The following SNTG2 variants were observed in gnomAD, a reference collection of about 807,000 sequenced individuals.
The protein encoded by SNTG2 is gamma-2-syntrophin.
A neutral mutation model predicts 70.9 loss-of-function variants in SNTG2; 74 were observed. The ratio of observed to expected loss-of-function variants is 1.04; its 90% confidence interval spans 0.86 to 1.27. SNTG2 has a LOEUF of 1.27. Ranked by LOEUF, SNTG2 falls within the 50% of genes most tolerant of loss-of-function variation. The probability of loss-of-function intolerance (pLI) is 0.00; values close to 1 mark genes in which losing one functional copy is unlikely to be tolerated. For synonymous variants in SNTG2, 278 were observed against 273.8 expected (o/e 1.02, Z -0.15); for missense variants, 717 against 690.7 (o/e 1.04, Z -0.43).
At chr2:1,144,109 A>G (rs4539820) in intron 6 of SNTG2, among the ~76,000 whole-genome samples, 56,754 of 151,874 alleles carry the variant, frequency 0.37, 11,476 homozygotes, top group East Asian at 0.83. Context: ...AACGGTTGAC[A>G]TCTCCTCTTT....
intron 4 of SNTG2, among the ~76,000 whole-genome samples, chr2:1,135,944 A>G (rs1668357154): frequency 6.6e-6 from 1 of 152,176 alleles, no homozygotes; most frequent in South Asian, 2.1e-4. Context: ...TTAGTTTCCC[A>G]TGCGTCAGGT....
chr2:1,102,288 C>G (rs1218459530), intron 4 of SNTG2, among the ~76,000 whole-genome samples: 1 of 152,158 alleles, frequency 6.6e-6, no homozygotes, highest in Non-Finnish European at 1.5e-5. Context: ...ATTAGGGTAG[C>G]TTCTCATTTA....
intron 1 of SNTG2, among the ~76,000 whole-genome samples, chr2:1,005,370 C>G (rs1026000015): frequency 6.6e-6 from 1 of 151,792 alleles, no homozygotes; most frequent in Non-Finnish European, 1.5e-5. Context: ...ATAACAAATG[C>G]GCCACCTGGG....
At chr2:999,207 C>T (rs1261780464) in intron 1 of SNTG2, among the ~76,000 whole-genome samples, 2 of 152,036 alleles carry the variant, frequency 1.3e-5, no homozygotes, top group African/African-American at 4.8e-5. Context: ...ACTCACAGGT[C>T]TTATAAAACA....
intron 1 of SNTG2, among the ~76,000 whole-genome samples, chr2:974,243 T>C (rs1311080924): frequency 1.3e-5 from 2 of 152,128 alleles, no homozygotes; most frequent in Non-Finnish European, 1.5e-5. Context: ...GGTGGGCTGC[T>C]CCTTCTGTGG....
chr2:1,307,407 AGT>A (rs1351026033), intron 14 of SNTG2, among the ~76,000 whole-genome samples: 2 of 96,096 alleles, frequency 2.1e-5, no homozygotes, highest in Non-Finnish European at 4.3e-5. Context: ...TCTGTGTGTG[AGT>A]GTGTGTGGTG....
At chr2:1,244,342 G>C (rs938917956) in intron 11 of SNTG2, among the ~76,000 whole-genome samples, 1 of 152,046 alleles carries the variant, frequency 6.6e-6, no homozygotes, top group Non-Finnish European at 1.5e-5. Context: ...GAGGATATTG[G>C]TGTGACTCCT....
At chr2:1,173,528 T>C (rs1671267689) in intron 8 of SNTG2, among the ~76,000 whole-genome samples, 1 of 152,260 alleles carries the variant, frequency 6.6e-6, no homozygotes, top group African/African-American at 2.4e-5. Flanking sequence ...TCCCATGAAT[T>C]TCTTAACAGA....
At chr2:980,820 C>T (rs1008568510) in intron 1 of SNTG2, among the ~76,000 whole-genome samples, 3 of 152,096 alleles carry the variant, frequency 2.0e-5, no homozygotes, top group East Asian at 3.8e-4. Context: ...AAGACATTAA[C>T]GGGTTAGATA....
At chr2:1,284,150 T>G (rs11211641) in intron 14 of SNTG2, among the ~76,000 whole-genome samples, 60,315 of 152,082 alleles carry the variant, frequency 0.4, 12,052 homozygotes, top group Middle Eastern at 0.52. Flanking sequence ...CCATTATGGC[T>G]TAATTTAATT....
intron 1 of SNTG2, among the ~76,000 whole-genome samples, chr2:1,040,133 G>A (rs1661351467): frequency 6.6e-6 from 1 of 152,196 alleles, no homozygotes; most frequent in Non-Finnish European, 1.5e-5. Context: ...TGTGGGGGCT[G>A]CCACTTACGC....
chr2:1,229,563 G>A lies in SNTG2; in HGVS notation c.720-8325G>A, dbSNP rs575285351. Among the ~76,000 whole-genome samples the A allele has an allele frequency of 3.3e-5, 5 of 152,384 alleles. No homozygotes were observed. In the South Asian group the frequency reaches 1.0e-3, roughly 32 times the overall value. On this transcript the variant is annotated intron_variant, in intron 9 of 16. Transcript: ENST00000308624. ...CAGTGGATCCGGCACCGGGGCTGCA[G>A]GTGGAGCTGCCTGCCAGTCCCGCGC...
At chr2:1,230,395 G>A (rs1449110002) in intron 9 of SNTG2, among the ~76,000 whole-genome samples, 1 of 152,124 alleles carries the variant, frequency 6.6e-6, no homozygotes, top group African/African-American at 2.4e-5. Context: ...AGAAAAGGCC[G>A]ATGCTGAAGC....
intron 6 of SNTG2, among the ~76,000 whole-genome samples, chr2:1,155,910 T>A (rs1291695032): frequency 6.6e-6 from 1 of 151,716 alleles, no homozygotes; most frequent in Non-Finnish European, 1.5e-5. Flanking sequence ...CAAGCGCTGC[T>A]CCCCATGGAC....
intron 9 of SNTG2, among the ~76,000 whole-genome samples, chr2:1,220,858 C>T (rs66665243): frequency 0.2 from 30,695 of 152,114 alleles, 4,552 homozygotes; most frequent in African/African-American, 0.41. Context: ...AGCCCTGGGC[C>T]GCCCCCTCCA....
Position 1,054,953 on chromosome 2 carries a change from G to GT in SNTG2, c.73-28556dup, listed in dbSNP as rs200083935. The stretch of plus-strand genomic sequence containing the variant: ...CTTTTTTTGTTTTGTTTTTGTTTTT[G>GT]TTTTTTTTTCCCTATTGATTCCTTT... On this transcript the variant is annotated intron_variant, in intron 1 of 16. Transcript: ENST00000308624. Among the ~76,000 whole-genome samples the GT allele has an allele frequency of 1.7e-3, 262 of 150,402 alleles. 2 individuals are homozygous for GT. The highest frequency in any genetic ancestry group is 5.6e-3 in the African/African-American group (229 of 40,876).
chr2:1,045,114 A>G (rs901421332), intron 1 of SNTG2, among the ~76,000 whole-genome samples: 3 of 151,952 alleles, frequency 2.0e-5, no homozygotes, highest in Non-Finnish European at 2.9e-5. Context: ...TCCTGGTTCA[A>G]TCTTGATAGA....
intron 14 of SNTG2, among the ~76,000 whole-genome samples, chr2:1,293,079 G>T (rs952031838): frequency 1.3e-5 from 2 of 150,522 alleles, no homozygotes; most frequent in East Asian, 1.9e-4. Flanking sequence ...TTGATAAATT[G>T]TGTGTGTCAC....
intron 6 of SNTG2, among the ~76,000 whole-genome samples, chr2:1,141,840 A>G (rs1220091525): frequency 6.6e-6 from 1 of 152,108 alleles, no homozygotes; most frequent in East Asian, 1.9e-4. Flanking sequence ...CAAGTGTGGG[A>G]TGAGTCCGAG....
Sources: allele counts gnomAD v4.1 joint callset (sites outside exome capture counted in the v4.1 genomes callset), GRCh38; gene constraint gnomAD v4.1.1; transcripts MANE v1.5; gene names NCBI Gene and HGNC (gene_info 2026-07-23, HGNC 2026-07-21).